The following NRXN3 variants were observed in gnomAD, a reference collection of about 807,000 sequenced individuals.
NRXN3 encodes neurexin 3.
NRXN3 carries 32 observed loss-of-function variants against 137.6 expected under a neutral mutation model. That is an observed-to-expected ratio of 0.23 (90% CI 0.18 to 0.31). The LOEUF is 0.31. Ranked by LOEUF, NRXN3 falls within the 10% of genes least tolerant of loss-of-function variation. The pLI is 1.00. For synonymous variants in NRXN3, 798 were observed against 784.5 expected, an observed-to-expected ratio of 1.02 and a Z score of -0.29; for missense variants, 1,574 against 2,062.5, an observed-to-expected ratio of 0.76 and a Z score of 4.59.
intron 16 of NRXN3, among the ~76,000 whole-genome samples, chr14:79,510,252 C>G (rs539693160): frequency 4.3e-4 from 66 of 152,234 alleles, no homozygotes; most frequent in Middle Eastern, 6.8e-3. Flanking sequence ...GAATTTGATG[C>G]CATGGCTGAA....
At chr14:79,052,560 A>G (rs574326970) in intron 15 of NRXN3, among the ~76,000 whole-genome samples, 4 of 152,308 alleles carry the variant, frequency 2.6e-5, no homozygotes, top group Middle Eastern at 3.4e-3. Context: ...CCTCTGTGTC[A>G]CCAGTGTTAG....
At chr14:79,763,600 TC>T (rs2099046289) in intron 19 of NRXN3, among the ~76,000 whole-genome samples, 1 of 151,498 alleles carries the variant, frequency 6.6e-6, no homozygotes, top group South Asian at 2.1e-4. Context: ...TTGTCACGGA[TC>T]TGGAGGCTGG....
chr14:79,346,866 G>T (rs1253008010), intron 15 of NRXN3, among the ~76,000 whole-genome samples: 1 of 152,092 alleles, frequency 6.6e-6, no homozygotes, highest in African/African-American at 2.4e-5. Flanking sequence ...AGTTCATGAG[G>T]TCTGTGTTTC....
At chr14:79,361,095 C>G (rs1404510723) in intron 15 of NRXN3, among the ~76,000 whole-genome samples, 2 of 152,094 alleles carry the variant, frequency 1.3e-5, no homozygotes, top group African/African-American at 4.8e-5. Context: ...AATTCGAGTA[C>G]AGAGATATTA....
chr14:78,465,226 G>A (rs528867508), intron 4 of NRXN3, among the ~76,000 whole-genome samples: 9 of 152,062 alleles, frequency 5.9e-5, no homozygotes, highest in South Asian at 2.1e-4. Flanking sequence ...AAGGGTTACG[G>A]AGAAGGACAC....
In NRXN3 at chr14:78,726,958, C is replaced by CCAAA. The variant is rs1470894227; in HGVS notation, c.2044+11819_2044+11820insCAAA. 1.4e-4 allele frequency among the ~76,000 whole-genome samples: 4 copies of CCAAA among 28,814 alleles called. No individual in the cohort carries two copies. The Admixed American group carries it at 1.9e-3, about 14-fold the overall frequency. The allele number at this position is 28,814 out of a possible 152,430, so 18.9% of individuals were successfully genotyped here. On this transcript the variant is annotated intron_variant, in intron 8 of 20. Transcript: ENST00000335750. ...TTGGGAGCTATACAGGATTTATTCACTAAAAAAAAAAAAAAAAAAACCTTC... is the reference window on the plus strand; with the variant it reads ...TTGGGAGCTATACAGGATTTATTCACCAAATAAAAAAAAAAAAAAAAAAACCTTC...
At chr14:79,799,754 CT>C (rs774577724) in intron 19 of NRXN3, among the ~76,000 whole-genome samples, 12 of 152,208 alleles carry the variant, frequency 7.9e-5, no homozygotes, top group Non-Finnish European at 1.8e-4. Context: ...CACATGCTCT[CT>C]GCCTTCTTGC....
chr14:79,778,041 C>T (rs1249096631), intron 19 of NRXN3, among the ~76,000 whole-genome samples: 1 of 152,184 alleles, frequency 6.6e-6, no homozygotes, highest in African/African-American at 2.4e-5. Context: ...TGCCCCACTT[C>T]AATTTGGCAC....
At chr14:79,014,669 G>C (rs188533948) in intron 15 of NRXN3, among the ~76,000 whole-genome samples, 1 of 152,290 alleles carries the variant, frequency 6.6e-6, no homozygotes, top group Non-Finnish European at 1.5e-5. Flanking sequence ...AGTTCTTTGA[G>C]AAACTGCCAC....
At chr14:78,848,659 C>T (rs915677625) in intron 10 of NRXN3, among the ~76,000 whole-genome samples, 19 of 152,152 alleles carry the variant, frequency 1.2e-4, no homozygotes, top group African/African-American at 4.1e-4. Context: ...AATTGTTCAA[C>T]ACTTCTTAAA....
At chr14:79,853,392 G>C (rs1337573523) in intron 20 of NRXN3, 1 of 198,078 alleles carries the variant, frequency 5.0e-6, no homozygotes, top group African/African-American at 2.4e-5. Context: ...TAATGAAACT[G>C]TAATAATTTT....
At chr14:78,584,471 A>G (rs2097039714) in intron 4 of NRXN3, among the ~76,000 whole-genome samples, 1 of 152,194 alleles carries the variant, frequency 6.6e-6, no homozygotes, top group South Asian at 2.1e-4. Context: ...CTATGGTCCC[A>G]AAGGCTGAAC....
chr14:78,516,813 T>G (rs1358588302), intron 4 of NRXN3, among the ~76,000 whole-genome samples: 6 of 152,112 alleles, frequency 3.9e-5, no homozygotes, highest in African/African-American at 1.4e-4. Context: ...TTAATGAATT[T>G]TGAAGAAAAG....
chr14:79,453,152 G>T (rs911389062), intron 15 of NRXN3, among the ~76,000 whole-genome samples: 4 of 151,998 alleles, frequency 2.6e-5, no homozygotes, highest in Non-Finnish European at 5.9e-5. Flanking sequence ...TATCAGCCAG[G>T]CGTGGTGGCT....
At chr14:78,966,753 AC>A (rs889588409) in intron 12 of NRXN3, among the ~76,000 whole-genome samples, 6 of 152,346 alleles carry the variant, frequency 3.9e-5, no homozygotes, top group Admixed American at 1.3e-4. Context: ...CCCAATTTAT[AC>A]CAAAAGATGA....
chr14:79,125,146 A>T (rs570465389), intron 15 of NRXN3, among the ~76,000 whole-genome samples: 59 of 152,186 alleles, frequency 3.9e-4, no homozygotes, highest in Admixed American at 7.2e-4. Context: ...CTTTCCCCAG[A>T]TCTTCATCTG....
chr14:79,087,334 TG>T (rs1479443510), intron 15 of NRXN3, among the ~76,000 whole-genome samples: 1 of 152,158 alleles, frequency 6.6e-6, no homozygotes. Context: ...TTGCTGGCTC[TG>T]GGTCTCTCCT....
intron 15 of NRXN3, among the ~76,000 whole-genome samples, chr14:79,208,570 A>G (rs995132206): frequency 2.0e-5 from 3 of 152,194 alleles, no homozygotes; most frequent in African/African-American, 7.2e-5. Context: ...TGACTAAGTA[A>G]CAGTAATATT....
At chr14:78,726,353 C>T (rs987822429) in intron 8 of NRXN3, among the ~76,000 whole-genome samples, 7 of 152,128 alleles carry the variant, frequency 4.6e-5, no homozygotes, top group African/African-American at 1.7e-4. Context: ...CCCCCACCCC[C>T]TAACAGGCCC....
Sources: allele counts gnomAD v4.1 joint callset (sites outside exome capture counted in the v4.1 genomes callset), GRCh38; gene constraint gnomAD v4.1.1; transcripts MANE v1.5; gene names NCBI Gene and HGNC (gene_info 2026-07-23, HGNC 2026-07-21).